The following BTN3A3 variants were observed in gnomAD, a reference collection of about 807,000 sequenced individuals.
BTN3A3 encodes the protein butyrophilin subfamily 3 member A3, also known as butyrophilin 3.
A neutral mutation model predicts 43.2 loss-of-function variants in BTN3A3; 39 were observed. The ratio of observed to expected loss-of-function variants is 0.90; its 90% CI spans 0.70 to 1.18. BTN3A3 has a LOEUF of 1.18. BTN3A3 is among the 50% of genes most tolerant of loss of function. BTN3A3 has a pLI of 0.00. For synonymous variants in BTN3A3, 255 were observed against 272.7 expected, an observed-to-expected ratio of 0.93 and a Z score of 0.64; for missense variants, 631 against 722.8, an observed-to-expected ratio of 0.87 and a Z score of 1.46.
In BTN3A3 at chr6:26,444,140, G is replaced by A. The variant is rs770670708; in HGVS notation, c.269G>A (p.Ser90Asn). 1.9e-6 allele frequency: 3 copies of A among 1,612,892 alleles called. No homozygotes were observed. The Admixed American group carries it at 5.0e-5, about 27-fold the overall frequency. The change falls in exon 4 of 11, where the codon AGT (serine) becomes AAT (asparagine). Residue 90 changes from serine to asparagine, a missense_variant. Physicochemically the swap from Ser to Asn is conservative, Grantham distance 46. Around this residue, in one of 2 missense-constraint regions of BTN3A3, gnomAD observed 80 missense variants for 138.7 expected, o/e 0.58. Coordinates refer to ENST00000244519, the MANE Select transcript of BTN3A3 (RefSeq NM_006994.5). Reference protein sequence around the residue: ...ADGKEVEDRQSAPYRGRTSIL... With the variant: ...ADGKEVEDRQNAPYRGRTSIL... ...GGAAAGGAAGTGGAAGACAGGCAGA[G>A]TGCACCGTATCGAGGGAGAACTTCG...
At chr6:26,447,350 C>G (rs912428135) in intron 5 of BTN3A3, among the ~76,000 whole-genome samples, 2 of 152,164 alleles carry the variant, frequency 1.3e-5, no homozygotes, top group Non-Finnish European at 2.9e-5. Context: ...GTAATACTCA[C>G]TGTACATCAA....
At position 26,445,736 on chromosome 6, in the gene BTN3A3, G is replaced by T. The variant is rs1458748007; in HGVS notation, c.466G>T (p.Gly156Cys). ...TTCTGATCTTCACATTGAAGTGAAGGGTTATGAGGATGGAGGGATCCATCT... is the reference window on the plus strand; with the variant it reads ...TTCTGATCTTCACATTGAAGTGAAGTGTTATGAGGATGGAGGGATCCATCT... ...LGSDLHIEVK[G>C]YEDGGIHLEC... Residue 156 changes from glycine (G) to cysteine (C), a missense_variant, in exon 5 of 11, where the codon GGT (glycine) becomes TGT (cysteine). This residue lies in a region of BTN3A3 where 551 missense variants were observed against 584.0 expected (regional missense o/e 0.94). Transcript: ENST00000244519. The T allele has an allele frequency of 6.2e-7, 1 of 1,614,176 alleles. No individual in the cohort carries two copies. Among genetic ancestry groups the T allele is most frequent in the African/African-American group, 1.3e-5 (1 of 75,034 alleles).
chr6:26,449,496 G>T (rs1246275092), intron 8 of BTN3A3, 166 bp from the exon 9 acceptor site: 1 of 719,394 alleles, frequency 1.4e-6, no homozygotes, highest in Non-Finnish European at 2.4e-6. Context: ...TCCCAGACTT[G>T]ATATTAAGAA....
chr6:26,442,616 G>A (rs1196726996), intron 1 of BTN3A3, among the ~76,000 whole-genome samples: 1 of 152,160 alleles, frequency 6.6e-6, no homozygotes, highest in Non-Finnish European at 1.5e-5. Context: ...GGGATGAGCC[G>A]TAGTTCCTCT....
intron 1 of BTN3A3, among the ~76,000 whole-genome samples, chr6:26,443,144 T>C (rs1762684663): frequency 1.3e-5 from 2 of 152,064 alleles, no homozygotes; most frequent in Admixed American, 1.3e-4. Context: ...AAGTTGACTG[T>C]AGTAATGGCC....
Position 26,445,807 on chromosome 6 carries a change from G to A in BTN3A3, c.537G>A (p.Trp179Ter), listed in dbSNP as rs1405773274. The A allele has an allele frequency of 2.5e-6, 4 of 1,614,072 alleles. No homozygotes were observed. The highest frequency in any genetic ancestry group is 2.7e-5 in the African/African-American group (2 of 74,914). Residue 179 changes from tryptophan to a stop codon, truncating the protein, a stop_gained, in exon 5 of 11, where the codon TGG becomes TGA. Transcript: ENST00000244519. LOFTEE classifies it high-confidence loss of function. ...TGWYPQPQIK[W>*]SDTKGENIPA... ...GGTACCCCCAACCCCAAATAAAGTG[G>A]AGCGACACCAAGGGAGAGAACATCC...
rs756840647 is a variant in BTN3A3, at chr6:26,445,705, A to T, written c.435A>T (p.Ala145=). ...EKALVELKVA[A]LGSDLHIEVK... The stretch of plus-strand genomic sequence containing the variant: ...TTAGGGCAATTTATCCTTCTACAGC[A>T]TTGGGTTCTGATCTTCACATTGAAG... Residue 145 remains alanine (A), a splice_region_variant and synonymous_variant, in exon 5 of 11, where the codon GCA becomes GCT. Coordinates refer to ENST00000244519, the MANE Select transcript of BTN3A3 (RefSeq NM_006994.5). 10 of 1,613,522 alleles carry T rather than the reference A, an allele frequency of 6.2e-6. No homozygotes were observed. The highest frequency in any genetic ancestry group is 1.1e-5 in the South Asian group (1 of 91,072).
In BTN3A3 at chr6:26,444,169, C is replaced by T. The variant is rs574930219; in HGVS notation, c.298C>T (p.Leu100=). ...SAPYRGRTSI[L]RDGITAGKAA... ...ACCGTATCGAGGGAGAACTTCGATT[C>T]TGCGGGATGGCATCACTGCAGGGAA... The change falls in exon 4 of 11, where the codon CTG becomes TTG. Residue 100 remains leucine (L), a synonymous_variant. Transcript: ENST00000244519. 1.5e-4 allele frequency: 241 copies of T among 1,612,052 alleles called. No homozygotes were observed. In the South Asian group the frequency reaches 2.5e-3, roughly 17 times the overall value.
Position 26,451,801 on chromosome 6 carries a change from A to G in BTN3A3, c.1145A>G (p.Tyr382Cys), listed in dbSNP as rs750455054. The G allele has an allele frequency of 1.9e-6, 3 of 1,613,970 alleles. No individual in the cohort carries two copies. The highest frequency in any genetic ancestry group is 2.2e-5 in the East Asian group (1 of 44,902). ...AACCCTGAGAGATTTGAATGGCGTT[A>G]CTGTGTCCTTGGCTGTGAAAACTTC... ...PDNPERFEWRYCVLGCENFTS... is the reference protein window; with the variant it reads ...PDNPERFEWRCCVLGCENFTS... Residue 382 changes from tyrosine to cysteine, a missense_variant, in exon 11 of 11, where the codon TAC becomes TGC. By Grantham distance (194) the Tyr-to-Cys change is radical. Around this residue, in one of 2 missense-constraint regions of BTN3A3, gnomAD observed 551 missense variants for 584.0 expected, o/e 0.94. Coordinates refer to ENST00000244519, the MANE Select transcript of BTN3A3 (RefSeq NM_006994.5).
At position 26,448,620 on chromosome 6, in the gene BTN3A3, A is replaced by C; in HGVS notation, c.920A>C (p.Lys307Thr). The C allele has an allele frequency of 6.2e-7, 1 of 1,613,864 alleles. No individual in the cohort carries two copies. Among genetic ancestry groups the C allele is most frequent in the African/African-American group, 1.3e-5 (1 of 74,912 alleles). ...TCTTTTTTTGCTTATTTTCCAGAGA[A>C]GCTCCAGGAGGAACTCAGTAAGTTC... ...ATEQEISLRE[K>T]LQEELKWRKI... The change falls in exon 7 of 11, where the codon AAG becomes ACG. Residue 307 changes from lysine (K) to threonine (T), a missense_variant. Physicochemically the swap from Lys to Thr is moderately conservative, Grantham distance 78. Transcript: ENST00000244519.
Position 26,442,519 on chromosome 6 carries a change from G to A in BTN3A3, c.-66-863G>A, listed in dbSNP as rs915136565. On this transcript the variant is annotated intron_variant, in intron 1 of 10. Transcript: ENST00000244519. ...AATCATTAGTGTAGTTCTGCAACAT[G>A]CTTTTTGACCGCTTAGTGTATCACC... Among the ~76,000 whole-genome samples the A allele has an allele frequency of 7.2e-5, 11 of 152,094 alleles. 1 individual carries two copies. The highest frequency in any genetic ancestry group is 1.5e-4 in the Non-Finnish European group (10 of 68,014).
At position 26,452,512 on chromosome 6, in the gene BTN3A3, A is replaced by C. The variant is rs1762959694; in HGVS notation, c.*101A>C. The C allele has an allele frequency of 9.4e-7, 1 of 1,062,572 alleles. No individual in the cohort carries two copies. The highest frequency in any genetic ancestry group is 2.6e-5 in the East Asian group (1 of 38,380). 65.8% of individuals were successfully genotyped at this position (1,062,572 alleles called of 1,614,324 possible). ...AACTGGGGTGCAGAAAGGTGAATTA[A>C]CTTTACAAAGTAGACATGACAAGTG... is the stretch of plus-strand genomic sequence containing the variant. On this transcript the variant is annotated 3_prime_UTR_variant, in exon 11 of 11. Coordinates refer to ENST00000244519, the MANE Select transcript of BTN3A3 (RefSeq NM_006994.5).
Position 26,445,832 on chromosome 6 carries a change from C to T in BTN3A3, c.562C>T (p.Pro188Ser), listed in dbSNP as rs767075667. 8.7e-6 allele frequency: 14 copies of T among 1,614,184 alleles called. No individual in the cohort carries two copies. Among genetic ancestry groups the T allele is most frequent in the Non-Finnish European group, 1.2e-5 (14 of 1,180,030 alleles). ...KWSDTKGENI[P>S]AVEAPVVADG... Reference sequence around the variant, plus strand: ...GAGCGACACCAAGGGAGAGAACATCCCGGCTGTGGAAGCACCTGTGGTTGC... The same window carrying T: ...GAGCGACACCAAGGGAGAGAACATCTCGGCTGTGGAAGCACCTGTGGTTGC... Residue 188 changes from proline to serine, a missense_variant, in exon 5 of 11, where the codon CCG (proline) becomes TCG (serine). Physicochemically the swap from Pro to Ser is moderately conservative, Grantham distance 74 (BLOSUM62 -1). Around this residue, in one of 2 missense-constraint regions of BTN3A3, gnomAD observed 551 missense variants for 584.0 expected, o/e 0.94. Coordinates refer to ENST00000244519, the MANE Select transcript of BTN3A3 (RefSeq NM_006994.5).
At chr6:26,445,547 C>T in intron 4 of BTN3A3, 157 bp from the exon 5 acceptor site, 2 of 886,836 alleles carry the variant, frequency 2.3e-6, no homozygotes. Context: ...CTGCACTAGC[C>T]CATTTAGTTT....
In BTN3A3 at chr6:26,449,779, T is replaced by C. The variant is rs866120092; in HGVS notation, c.991+91T>C. On this transcript the variant is annotated intron_variant, in intron 9 of 10. Transcript: ENST00000244519. ...TGCTGTGACCCATTGACGTTCTCAG[T>C]TGGATTAATCAGATCTAACCCTTAG... The C allele has an allele frequency of 1.8e-5, 27 of 1,505,390 alleles. No homozygotes were observed. In the Middle Eastern group the frequency reaches 8.5e-4, roughly 48 times the overall value. 93.3% of individuals were successfully genotyped at this position (1,505,390 alleles called of 1,614,324 possible). A position where few individuals can be genotyped will look rare whatever the true frequency, so the allele number is the denominator to read the frequency against.
Position 26,443,368 on chromosome 6 carries a change from T to C in BTN3A3, c.-66-14T>C. 1 of 1,228,818 alleles carries C rather than the reference T, an allele frequency of 8.1e-7. No homozygotes were observed. The highest frequency in any genetic ancestry group is 1.1e-6 in the Non-Finnish European group (1 of 914,706). 76.1% of individuals were successfully genotyped at this position (1,228,818 alleles called of 1,614,324 possible). On this transcript the variant is annotated splice_polypyrimidine_tract_variant and intron_variant, in intron 1 of 10. Transcript: ENST00000244519. ...AGAGATGTCCTGATCAGATAACAGA[T>C]ATTATTTTTACAGATGGTTTTCCAT... is the stretch of plus-strand genomic sequence containing the variant.
rs757128449 is a variant in BTN3A3 at position 26,448,732 on chromosome 6, G to A, written c.942G>A (p.Trp314Ter). The A allele has an allele frequency of 1.1e-5, 17 of 1,613,774 alleles. No individual in the cohort carries two copies. The South Asian group carries it at 1.9e-4, about 18-fold the overall frequency. Reference sequence around the variant, plus strand: ...TCCCTATTCATTCCATTGCAGAGTGGAGGAAAATCCAGTACATGGCTCGTG... The same window carrying A: ...TCCCTATTCATTCCATTGCAGAGTGAAGGAAAATCCAGTACATGGCTCGTG... ...LREKLQEELK[W>*]RKIQYMARGE... Residue 314 changes from tryptophan to a stop codon, truncating the protein, a stop_gained, in exon 8 of 11, where the codon TGG (tryptophan) becomes TGA (stop). Coordinates refer to ENST00000244519, the MANE Select transcript of BTN3A3 (RefSeq NM_006994.5). LOFTEE classifies it high-confidence loss of function.
chr6:26,452,301 G>C lies in BTN3A3; in HGVS notation c.1645G>C (p.Ala549Pro), dbSNP rs369331349. 1 of 1,613,854 alleles carries C rather than the reference G, an allele frequency of 6.2e-7. No homozygotes were observed. The highest frequency in any genetic ancestry group is 1.3e-5 in the African/African-American group (1 of 74,902). ...AGCTAATGAAAGTGGGGAGCCTCAG[G>C]CTGAAGTAACATCTCTGCTTCTCCC... ...GLANESGEPQ[A>P]EVTSLLLPAH... The change falls in exon 11 of 11, where the codon GCT (alanine) becomes CCT (proline). Residue 549 changes from alanine to proline, a missense_variant. Around this residue, in one of 2 missense-constraint regions of BTN3A3, gnomAD observed 551 missense variants for 584.0 expected, o/e 0.94. Coordinates refer to ENST00000244519, the MANE Select transcript of BTN3A3 (RefSeq NM_006994.5).
intron 10 of BTN3A3, among the ~76,000 whole-genome samples, chr6:26,450,943 T>C (rs751679299): frequency 7.9e-5 from 12 of 152,166 alleles, no homozygotes; most frequent in Non-Finnish European, 1.5e-4. Flanking sequence ...TTCTTTCTCC[T>C]TCCAATCTTC....
Sources: gnomAD v4.1 joint callset for allele counts (sites outside exome capture counted in the v4.1 genomes callset) on GRCh38, gnomAD v4.1.1 for gene constraint, gnomAD v4.1.1 regional missense constraint, MANE v1.5 for transcripts, NCBI Gene and HGNC (gene_info 2026-07-23, HGNC 2026-07-21) for gene names.